CROCC: variants seen among roughly 807,000 people sequenced by gnomAD.
CROCC encodes ciliary rootlet coiled-coil, rootletin.
In CROCC, 180 loss-of-function variants were observed where a neutral mutation model predicts 245.2. That is an observed-to-expected ratio of 0.73 (90% confidence interval 0.65 to 0.83). The LOEUF is 0.83. CROCC is among the 40% of genes least tolerant of loss of function. The probability of loss-of-function intolerance (pLI) is 0.00; values close to 1 mark genes in which losing one functional copy is unlikely to be tolerated. For synonymous variants in CROCC, 1,205 were observed against 1,241.6 expected, an observed-to-expected ratio of 0.97 and a Z score of 0.62; for missense variants, 2,688 against 2,779.4, an observed-to-expected ratio of 0.97 and a Z score of 0.74.
chr1:16,965,005 G>T (rs899167415), intron 27 of CROCC, among the ~76,000 whole-genome samples: 1 of 151,966 alleles, frequency 6.6e-6, no homozygotes, highest in Non-Finnish European at 1.5e-5. Flanking sequence ...CAGTAGAGAC[G>T]GGGTTTTACC....
In CROCC at chr1:16,961,064, G is replaced by T; in HGVS notation, c.4339G>T (p.Gly1447Cys). 1 of 1,338,358 alleles carries T rather than the reference G, an allele frequency of 7.5e-7. No homozygotes were observed. Among genetic ancestry groups the T allele is most frequent in the Non-Finnish European group, 9.5e-7 (1 of 1,049,378 alleles). The allele number at this position is 1,338,358 out of a possible 1,614,324, so 82.9% of individuals were successfully genotyped here. Residue 1447 changes from glycine (G) to cysteine (C), a missense_variant, in exon 27 of 37, where the codon GGT (glycine) becomes TGT (cysteine). Physicochemically the swap from Gly to Cys is radical, Grantham distance 159. Coordinates refer to ENST00000375541, the MANE Select transcript of CROCC (RefSeq NM_014675.5). ...GGCTCTGCGCCGGGGCCTCGGCCTC[G>T]GTCGCGCGCCCAGCCCAGCCCCGCG... ...RSALRRGLGLGRAPSPAPRPV... is the reference protein window; with the variant it reads ...RSALRRGLGLCRAPSPAPRPV...
intron 8 of CROCC, 102 bp downstream of exon 8, chr1:16,931,499 T>C: frequency 8.7e-7 from 1 of 1,151,836 alleles, no homozygotes; most frequent in Non-Finnish European, 1.3e-6. Flanking sequence ...GCACTTACTG[T>C]GCACAAGGGC....
In CROCC at chr1:16,968,396, G is replaced by A. The variant is rs150612609; in HGVS notation, c.5054G>A (p.Arg1685Gln). Residue 1685 changes from arginine to glutamine, a missense_variant, in exon 31 of 37, where the codon CGG becomes CAG. Arg to Gln is a conservative substitution (Grantham distance 43, BLOSUM62 1). Transcript: ENST00000375541. ...REAQAQALQDRVDSLQRQVAD... is the reference protein window; with the variant it reads ...REAQAQALQDQVDSLQRQVAD... ...GCCCAAGCCCAGGCCCTCCAGGATC[G>A]GGTGGATTCCCTGCAGAGACAGGTG... 17 of 1,497,024 alleles carry A rather than the reference G, an allele frequency of 1.1e-5. No homozygotes were observed. The East Asian group carries it at 1.2e-4, about 11-fold the overall frequency. The allele number at this position is 1,497,024 out of a possible 1,614,324, so 92.7% of individuals were successfully genotyped here.
rs148395884 is a variant in CROCC, at chr1:16,939,900, C to G, written c.1615C>G (p.Arg539Gly). The G allele has an allele frequency of 9.1e-5, 146 of 1,612,112 alleles. No homozygotes were observed. The African/African-American group carries it at 1.8e-3, about 20-fold the overall frequency. ...GTGACCCCCCACACCCCAGGACATG[C>G]GTGGGCGCTATGAGGCAAGCCAGGA... ...HKRQLQVQDMRGRYEASQDLL... is the reference protein window; with the variant it reads ...HKRQLQVQDMGGRYEASQDLL... Residue 539 changes from arginine (R) to glycine (G), a missense_variant, in exon 13 of 37, where the codon CGT (arginine) becomes GGT (glycine). Transcript: ENST00000375541.
At position 16,961,069 on chromosome 1, in the gene CROCC, C is replaced by G; in HGVS notation, c.4344C>G (p.Arg1448=). 7.4e-7 allele frequency: 1 copy of G among 1,346,082 alleles called. No individual in the cohort carries two copies. The highest frequency in any genetic ancestry group is 9.5e-7 in the Non-Finnish European group (1 of 1,052,942). The allele number at this position is 1,346,082 out of a possible 1,614,324, so 83.4% of individuals were successfully genotyped here. ...TGCGCCGGGGCCTCGGCCTCGGTCGCGCGCCCAGCCCAGCCCCGCGGCCAG... is the reference window on the plus strand; with the variant it reads ...TGCGCCGGGGCCTCGGCCTCGGTCGGGCGCCCAGCCCAGCCCCGCGGCCAG... ...SALRRGLGLG[R]APSPAPRPVP... Residue 1448 remains arginine, a synonymous_variant, in exon 27 of 37, where the codon CGC becomes CGG. Transcript: ENST00000375541.
chr1:16,945,012 C>G (rs1398856272), intron 14 of CROCC, among the ~76,000 whole-genome samples: 1 of 152,288 alleles, frequency 6.6e-6, no homozygotes, highest in Non-Finnish European at 1.5e-5. Context: ...GCAGGCAGAT[C>G]GCCTGAGGTC....
chr1:16,932,389 G>A lies in CROCC; in HGVS notation c.956+992G>A, dbSNP rs759725001. The stretch of plus-strand genomic sequence containing the variant: ...TGGGAGGCAGAGGTTGCGGTGAGCC[G>A]AGATCTCGCCATTGTACTCCGGCCT... On this transcript the variant is annotated intron_variant, in intron 8 of 36. Coordinates refer to ENST00000375541, the MANE Select transcript of CROCC (RefSeq NM_014675.5). Among the ~76,000 whole-genome samples, 3 of 152,248 alleles carry A rather than the reference G, an allele frequency of 2.0e-5. No individual in the cohort carries two copies. The East Asian group carries it at 5.8e-4, about 29-fold the overall frequency.
chr1:16,933,220 C>A (rs183126163), intron 8 of CROCC, among the ~76,000 whole-genome samples: 2 of 152,300 alleles, frequency 1.3e-5, no homozygotes, highest in South Asian at 4.1e-4. Context: ...AATCCCAGTA[C>A]TTCAGGAGGC....
At position 16,965,805 on chromosome 1, in the gene CROCC, C is replaced by T. The variant is rs755272695; in HGVS notation, c.4488C>T (p.Ser1496=). ...CACCATCTCCAGGACCTGCCACCTC[C>T]CCAGCCTCTCCAGACCTGGACCCGG... is the stretch of plus-strand genomic sequence containing the variant. ...SQPPSPGPAT[S]PASPDLDPEA... The change falls in exon 28 of 37, where the codon TCC becomes TCT. Residue 1496 remains serine (S), a synonymous_variant. Transcript: ENST00000375541. The T allele has an allele frequency of 6.4e-5, 103 of 1,613,688 alleles. No individual in the cohort carries two copies. Among genetic ancestry groups the T allele is most frequent in the Non-Finnish European group, 7.8e-5 (92 of 1,180,040 alleles).
At chr1:16,962,514 G>A (rs1392050932) in intron 27 of CROCC, among the ~76,000 whole-genome samples, 46 of 129,292 alleles carry the variant, frequency 3.6e-4, no homozygotes, top group African/African-American at 1.1e-3. Flanking sequence ...CAGCCTGGGC[G>A]ACAGAGCTAG....
chr1:16,969,157 C>G lies in CROCC; in HGVS notation c.5118C>G (p.Thr1706=), dbSNP rs1234160654. The change falls in exon 32 of 37, where the codon ACC becomes ACG. Residue 1706 remains threonine (T), a synonymous_variant. Transcript: ENST00000375541. ...SEVKAGTLQL[T]VERLNGALAK... ...TGAAGGCAGGGACCCTGCAGCTGAC[C>G]GTGGAGCGGCTGAATGGGGCCCTGG... 1.9e-6 allele frequency: 3 copies of G among 1,609,608 alleles called. No individual in the cohort carries two copies. Among genetic ancestry groups the G allele is most frequent in the East Asian group, 4.5e-5 (2 of 44,748 alleles).
chr1:16,954,388 C>T lies in CROCC; in HGVS notation c.3321+31C>T, dbSNP rs1193407424. 2 of 1,594,150 alleles carry T rather than the reference C, an allele frequency of 1.3e-6. No individual in the cohort carries two copies. Among genetic ancestry groups the T allele is most frequent in the South Asian group, 1.1e-5 (1 of 89,438 alleles). On this transcript the variant is annotated intron_variant, in intron 22 of 36. Coordinates refer to ENST00000375541, the MANE Select transcript of CROCC (RefSeq NM_014675.5). This position sits in a 1 kb window ranked among gnomAD's most constrained non-coding sequence, Gnocchi z 4.4. The stretch of plus-strand genomic sequence containing the variant: ...GCAGGCTGGGCAGCTGGGCCTCTGT[C>T]TCATAGAGAGGCACATCCCTGGCTG...
intron 36 of CROCC, 87 bp from the exon 37 acceptor site, chr1:16,972,273 C>A: frequency 9.9e-7 from 1 of 1,012,510 alleles, no homozygotes; most frequent in Non-Finnish European, 1.6e-6. Flanking sequence ...AACTGTGGCA[C>A]TGTGTCCCTC....
intron 35 of CROCC, 63 bp from the exon 36 acceptor site, chr1:16,971,402 C>G: frequency 6.9e-7 from 1 of 1,457,378 alleles, no homozygotes; most frequent in Non-Finnish European, 9.1e-7. Context: ...CCTGACAACC[C>G]GTCACACATG....
Position 16,922,092 on chromosome 1 carries a change from G to A in CROCC, c.60+14G>A. 6.5e-7 allele frequency: 1 copy of A among 1,539,568 alleles called. No individual in the cohort carries two copies. The highest frequency in any genetic ancestry group is 8.8e-7 in the Non-Finnish European group (1 of 1,141,042). ...ACGGTTATCCAGGTGGGTCCTGGGG[G>A]CTGTGCCCACCCTGTCTGGGGCGGG... On this transcript the variant is annotated intron_variant, in intron 1 of 36. Transcript: ENST00000375541.
At chr1:16,929,121 C>T (rs758992831) in intron 3 of CROCC, among the ~76,000 whole-genome samples, 2 of 152,278 alleles carry the variant, frequency 1.3e-5, no homozygotes, top group Non-Finnish European at 2.9e-5. Flanking sequence ...GCCACTGCAC[C>T]CAGCCAGAAG....
Position 16,959,155 on chromosome 1 carries a change from TGG to T in CROCC, c.4032+407_4032+408del, listed in dbSNP as rs757132768. Among the ~76,000 whole-genome samples the T allele has an allele frequency of 1.2e-3, 186 of 152,192 alleles. 1 individual carries two copies. Among genetic ancestry groups the T allele is most frequent in the Non-Finnish European group, 2.5e-3 (169 of 68,032 alleles). ...CTTCTGCCTCAGCCTCCCGAGTATC[TGG>T]GATTACAGGTGCTTGCCACCACGCC... On this transcript the variant is annotated intron_variant, in intron 26 of 36. Transcript: ENST00000375541.
In CROCC at chr1:16,965,990, G is replaced by A. The variant is rs900637162; in HGVS notation, c.4576-9G>A. ...GGTCTGTCTTTGTTCCCCCATGTCG[G>A]GGCTACAGGACGAACTTCGGACCCA... On this transcript the variant is annotated splice_polypyrimidine_tract_variant and intron_variant, in intron 28 of 36. Transcript: ENST00000375541. 48 of 1,610,982 alleles carry A rather than the reference G, an allele frequency of 3.0e-5. No homozygotes were observed. The highest frequency in any genetic ancestry group is 4.0e-5 in the Non-Finnish European group (47 of 1,177,778).
intron 3 of CROCC, among the ~76,000 whole-genome samples, chr1:16,929,155 T>C (rs898651943): frequency 6.6e-6 from 1 of 152,274 alleles, no homozygotes. Flanking sequence ...GCAGGCGCCG[T>C]ATAGGGCAAC....
Sources: gnomAD v4.1 joint callset for allele counts (sites outside exome capture counted in the v4.1 genomes callset) on GRCh38, gnomAD v4.1.1 for gene constraint, Gnocchi (gnomAD v3.1) non-coding constraint, MANE v1.5 for transcripts, NCBI Gene and HGNC (gene_info 2026-07-23, HGNC 2026-07-21) for gene names.